The following ADCY3 variants were observed in gnomAD, a reference collection of about 807,000 sequenced individuals.
ADCY3 encodes adenylate cyclase 3, also known as adenylate cyclase type 3.
Under a neutral mutation model 119.4 loss-of-function variants are expected in ADCY3, and 70 were observed. The observed-to-expected ratio is 0.59, with a 90% confidence interval of 0.48 to 0.72. ADCY3 has a LOEUF of 0.72. ADCY3 is among the 30% of genes least tolerant of loss of function. ADCY3 has a pLI of 0.00. For missense variants in ADCY3, 1,238 were observed against 1,541.6 expected, an observed-to-expected ratio of 0.80 and a Z score of 3.30; for synonymous variants, 672 against 621.4, an observed-to-expected ratio of 1.08 and a Z score of -1.21.
Position 24,889,589 on chromosome 2 carries a change from C to A in ADCY3, c.676-16870G>T, listed in dbSNP as rs115481522. Among the ~76,000 whole-genome samples, 1,304 of 152,318 alleles carry A rather than the reference C, an allele frequency of 8.6e-3. 23 individuals carry two copies. Among genetic ancestry groups the A allele is most frequent in the African/African-American group, 0.029 (1,200 of 41,566 alleles). On this transcript the variant is annotated intron_variant, in intron 2 of 21. Coordinates refer to ENST00000679454, the MANE Select transcript of ADCY3 (RefSeq NM_004036.5). Reference sequence around the variant, plus strand: ...GGCTCACGCCTGTAATCCTGCCCAGCACTTTGGGAGGCTGAGGCGAGTGGG... The same window carrying A: ...GGCTCACGCCTGTAATCCTGCCCAGAACTTTGGGAGGCTGAGGCGAGTGGG...
chr2:24,919,651 C>T lies in ADCY3; in HGVS notation c.-198+32G>A, dbSNP rs951962153. 6.6e-6 allele frequency: 1 copy of T among 152,486 alleles called. No individual in the cohort carries two copies. The highest frequency in any genetic ancestry group is 2.4e-5 in the African/African-American group (1 of 41,474). 9.4% of individuals were successfully genotyped at this position (152,486 alleles called of 1,614,324 possible). ...CCCACGCTCGGGGCGCTGTCTTCCCCCCCGGAAGCCTGGCCCTGCCCCTGC... is the reference window on the plus strand; with the variant it reads ...CCCACGCTCGGGGCGCTGTCTTCCCTCCCGGAAGCCTGGCCCTGCCCCTGC... On this transcript the variant is annotated intron_variant, in intron 1 of 21. Transcript: ENST00000679454. This position sits in a 1 kb window ranked among gnomAD's most constrained non-coding sequence, Gnocchi z 5.5.
chr2:24,908,960 A>C (rs1230841617), intron 2 of ADCY3, among the ~76,000 whole-genome samples: 1 of 150,878 alleles, frequency 6.6e-6, no homozygotes, highest in African/African-American at 2.4e-5. Context: ...GATTCTACAC[A>C]CTCTCCCCAG....
intron 13 of ADCY3, 30 bp downstream of exon 13, chr2:24,830,679 G>A (rs113458251): frequency 2.6e-5 from 40 of 1,566,274 alleles, no homozygotes; most frequent in African/African-American, 2.2e-4. Context: ...GAACAGGGGC[G>A]TCCCTTCAAC....
chr2:24,821,866 C>T (rs1388181766), intron 19 of ADCY3: 12 of 542,658 alleles, frequency 2.2e-5, no homozygotes, highest in East Asian at 7.0e-5. Context: ...GCAGAGGAGA[C>T]GGACCTGTGA....
rs1664794497 is a variant in ADCY3 at position 24,918,925 on chromosome 2, GGAGTACTCGGCT to G, written c.51_62del (p.Ala18_Ser21del). ...GGTCAGGGTCGGAGGGCAGGCTGAC[GGAGTACTCGGCT>G]GAGTACTCGGCCGAGTATTCGGGCT... On this transcript the variant is annotated inframe_deletion, in exon 2 of 22. Coordinates refer to ENST00000679454, the MANE Select transcript of ADCY3 (RefSeq NM_004036.5). This position sits in a 1 kb window ranked among gnomAD's most constrained non-coding sequence, Gnocchi z 5.4. 7 of 1,612,028 alleles carry G rather than the reference GGAGTACTCGGCT, an allele frequency of 4.3e-6. No individual in the cohort carries two copies. The highest frequency in any genetic ancestry group is 2.2e-5 in the East Asian group (1 of 44,848).
chr2:24,820,587 T>C, intron 21 of ADCY3, 137 bp downstream of exon 21: 1 of 1,474,714 alleles, frequency 6.8e-7, no homozygotes, highest in Non-Finnish European at 9.1e-7. Flanking sequence ...GAGATTCTTT[T>C]CCACTTGCCC....
In ADCY3 at chr2:24,868,880, C is replaced by T. The variant is rs530016112; in HGVS notation, c.825+3690G>A. The stretch of plus-strand genomic sequence containing the variant: ...AAAAAAAAAATACAAAAAAATTAGC[C>T]GGGCATGGTGGCAGGCACCTGTAGT... On this transcript the variant is annotated intron_variant, in intron 3 of 21. Coordinates refer to ENST00000679454, the MANE Select transcript of ADCY3 (RefSeq NM_004036.5). Among the ~76,000 whole-genome samples the T allele has an allele frequency of 1.2e-3, 182 of 151,656 alleles. 1 individual carries two copies. The highest frequency in any genetic ancestry group is 4.2e-3 in the African/African-American group (174 of 41,378).
intron 3 of ADCY3, among the ~76,000 whole-genome samples, chr2:24,857,980 T>C (rs1572906428): frequency 6.7e-6 from 1 of 149,104 alleles, no homozygotes; most frequent in Middle Eastern, 3.5e-3. Flanking sequence ...CCTGAAATAC[T>C]TGTGGTCTGA....
chr2:24,864,199 A>G (rs1224211224), intron 3 of ADCY3, among the ~76,000 whole-genome samples: 1 of 152,196 alleles, frequency 6.6e-6, no homozygotes, highest in Non-Finnish European at 1.5e-5. Context: ...CTGAAGCAGG[A>G]GAATAGCTTG....
At chr2:24,836,506 T>A (rs1670346652) in intron 9 of ADCY3, among the ~76,000 whole-genome samples, 1 of 152,192 alleles carries the variant, frequency 6.6e-6, no homozygotes, top group Admixed American at 6.5e-5. Flanking sequence ...CTTTGGGGGC[T>A]AAGGAAATAT....
At chr2:24,912,626 C>T (rs1008830619) in intron 2 of ADCY3, among the ~76,000 whole-genome samples, 1 of 148,430 alleles carries the variant, frequency 6.7e-6, no homozygotes, top group Non-Finnish European at 1.5e-5. Context: ...TGTGTGTGTG[C>T]CTGCATGTGC....
intron 7 of ADCY3, 93 bp downstream of exon 7, chr2:24,839,779 GC>G: frequency 1.3e-6 from 2 of 1,556,620 alleles, no homozygotes; most frequent in Non-Finnish European, 1.8e-6. Context: ...CTTCTCTGAG[GC>G]CCCCTGTCCC....
intron 2 of ADCY3, among the ~76,000 whole-genome samples, chr2:24,877,364 G>A (rs1675841329): frequency 6.6e-6 from 1 of 152,164 alleles, no homozygotes; most frequent in Non-Finnish European, 1.5e-5. Flanking sequence ...TCTGGCCCTA[G>A]ATCCTTCCTG....
chr2:24,849,741 CAGAGGGGAAAGGAGGAGGGGGGTCTGGG>C (rs1388013732), intron 3 of ADCY3, among the ~76,000 whole-genome samples: 4 of 152,116 alleles, frequency 2.6e-5, no homozygotes, highest in Non-Finnish European at 5.9e-5. Context: ...CGGAACCTGA[CAGAGGGGAAAGGAGGAGGGGGGTCTGGG>C]AGACGAAGGC....
At chr2:24,820,325 CTCA>C in intron 21 of ADCY3, 1 of 1,323,528 alleles carries the variant, frequency 7.6e-7, no homozygotes, top group South Asian at 2.2e-5. Flanking sequence ...GGGGCCTCCT[CTCA>C]TCCAGAGACT....
intron 2 of ADCY3, among the ~76,000 whole-genome samples, chr2:24,916,146 C>G (rs545497247): frequency 8.6e-5 from 13 of 152,046 alleles, no homozygotes; most frequent in African/African-American, 3.1e-4. Flanking sequence ...TGATTTCTAT[C>G]TTTTTTTTTC....
At chr2:24,869,155 T>C (rs1045628365) in intron 3 of ADCY3, among the ~76,000 whole-genome samples, 2 of 151,914 alleles carry the variant, frequency 1.3e-5, no homozygotes, top group African/African-American at 4.8e-5. Context: ...AGGCACAAAT[T>C]ATCTTCAGTA....
chr2:24,855,072 T>C (rs1057440341), intron 3 of ADCY3, among the ~76,000 whole-genome samples: 1 of 151,900 alleles, frequency 6.6e-6, no homozygotes, highest in Non-Finnish European at 1.5e-5. Flanking sequence ...AATAATAAAA[T>C]AAAATGAATT....
At chr2:24,853,268 G>GC (rs755950171) in intron 3 of ADCY3, among the ~76,000 whole-genome samples, 18 of 152,170 alleles carry the variant, frequency 1.2e-4, no homozygotes, top group Non-Finnish European at 2.2e-4. Flanking sequence ...TGGCGACCTT[G>GC]CCCCCTTCCC....
Sources: gnomAD v4.1 joint callset for allele counts (sites outside exome capture counted in the v4.1 genomes callset) on GRCh38, gnomAD v4.1.1 for gene constraint, Gnocchi (gnomAD v3.1) non-coding constraint, MANE v1.5 for transcripts, NCBI Gene and HGNC (gene_info 2026-07-23, HGNC 2026-07-21) for gene names.